TMEM74: variants seen among roughly 807,000 people sequenced by gnomAD.
The protein encoded by TMEM74 is transmembrane protein 74.
In TMEM74, 13 loss-of-function variants were observed where a neutral mutation model predicts 18.1. That is an observed-to-expected ratio of 0.72 (90% CI 0.47 to 1.14). TMEM74 has a LOEUF of 1.14. Ranked by LOEUF, TMEM74 falls within the 50% of genes most tolerant of loss-of-function variation. The pLI, the probability that TMEM74 is intolerant of heterozygous loss-of-function variation, is 0.00. For missense variants in TMEM74, 372 were observed against 375.9 expected (o/e 0.99, Z 0.09); for synonymous variants, 159 against 146.6 (o/e 1.08, Z -0.61).
Position 108,756,628 on chromosome 8 carries a change from AAGGAAGGAAGG to A in TMEM74, n.119+30837_119+30847del, listed in dbSNP as rs1337305537. Among the ~76,000 whole-genome samples the A allele has an allele frequency of 8.5e-3, 819 of 96,416 alleles. 39 individuals are homozygous for A. Among genetic ancestry groups the A allele is most frequent in the African/African-American group, 0.036 (773 of 21,498 alleles). The allele number at this position is 96,416 out of a possible 152,430, so 63.3% of individuals were successfully genotyped here. A position where few individuals can be genotyped will look rare whatever the true frequency, so the allele number is the denominator to read the frequency against. On this transcript the variant is annotated intron_variant and non_coding_transcript_variant, in intron 1 of 3. Coordinates refer to the TMEM74 transcript ENST00000518838. ...GAAGGAAGGAAGGAAGGAAGGAAGG[AAGGAAGGAAGG>A]AAGAAAGAAAGAGAAAGAAAGAAAG...
At chr8:108,631,480 A>T (rs142630656) in intron 2 of TMEM74, among the ~76,000 whole-genome samples, 1 of 152,066 alleles carries the variant, frequency 6.6e-6, no homozygotes, top group Non-Finnish European at 1.5e-5. Flanking sequence ...TCAAAAGCAC[A>T]CTCAAAACAC....
intron 1 of TMEM74, among the ~76,000 whole-genome samples, chr8:108,768,704 G>A (rs891667508): frequency 5.3e-5 from 8 of 152,108 alleles, no homozygotes; most frequent in Non-Finnish European, 1.0e-4. Flanking sequence ...ATGAGGGTCC[G>A]CTTTTCTGCT....
In TMEM74 at chr8:108,784,898, G is replaced by A; in HGVS notation, c.201C>T (p.Pro67=). ...GSKLSSSPAS[P]SSSLQNSTLQ... Reference sequence around the variant, plus strand: ...GAGTACTGTTTTGCAGAGAGGAGGAGGGGGATGCTGGAGAAGAACTAAGTT... The same window carrying A: ...GAGTACTGTTTTGCAGAGAGGAGGAAGGGGATGCTGGAGAAGAACTAAGTT... Residue 67 remains proline, a synonymous_variant, in exon 2 of 2, where the codon CCC becomes CCT. Coordinates refer to ENST00000297459, the MANE Select transcript of TMEM74 (RefSeq NM_153015.3). 1 of 1,614,136 alleles carries A rather than the reference G, an allele frequency of 6.2e-7. No homozygotes were observed. The highest frequency in any genetic ancestry group is 8.5e-7 in the Non-Finnish European group (1 of 1,180,006).
chr8:108,614,873 T>A (rs1812368353), intron 2 of TMEM74, among the ~76,000 whole-genome samples: 1 of 152,106 alleles, frequency 6.6e-6, no homozygotes, highest in Admixed American at 6.5e-5. Context: ...AATACAATAA[T>A]CAAATAGGTG....
In TMEM74 at chr8:108,780,566, A is replaced by T. The variant is rs987472296; in HGVS notation, c.*3615T>A. On this transcript the variant is annotated 3_prime_UTR_variant, in exon 2 of 2. Coordinates refer to ENST00000297459, the MANE Select transcript of TMEM74 (RefSeq NM_153015.3). Reference sequence around the variant, plus strand: ...TTGGCAGCGCAGTCTCTTTTCAGAAATTGTACCTTGAAGGGCATGTGCCAG... The same window carrying T: ...TTGGCAGCGCAGTCTCTTTTCAGAATTTGTACCTTGAAGGGCATGTGCCAG... Among the ~76,000 whole-genome samples the T allele has an allele frequency of 4.6e-5, 7 of 152,218 alleles. No individual in the cohort carries two copies. Among genetic ancestry groups the T allele is most frequent in the African/African-American group, 1.7e-4 (7 of 41,466 alleles).
chr8:108,670,945 A>T (rs1307319422), intron 1 of TMEM74, among the ~76,000 whole-genome samples: 2 of 152,226 alleles, frequency 1.3e-5, no homozygotes, highest in Non-Finnish European at 2.9e-5. Flanking sequence ...ATTAATAATA[A>T]AAAGGCACAC....
At chr8:108,747,187 C>G (rs1325405196) in intron 1 of TMEM74, among the ~76,000 whole-genome samples, 1 of 151,954 alleles carries the variant, frequency 6.6e-6, no homozygotes, top group South Asian at 2.1e-4. Context: ...TAGATAGTGT[C>G]CAAATTGAGT....
chr8:108,658,950 T>A (rs1471432942), intron 1 of TMEM74, among the ~76,000 whole-genome samples: 1 of 152,072 alleles, frequency 6.6e-6, no homozygotes, highest in African/African-American at 2.4e-5. Context: ...AGAAATCCGA[T>A]GATAGCTAGA....
At chr8:108,652,106 A>G (rs972408097) in intron 2 of TMEM74, among the ~76,000 whole-genome samples, 1 of 99,854 alleles carries the variant, frequency 1.0e-5, no homozygotes, top group Admixed American at 1.0e-4. Flanking sequence ...GAAAGAAAAA[A>G]CATTTTTTAC....
At chr8:108,608,257 G>A (rs368691485) in intron 3 of TMEM74, among the ~76,000 whole-genome samples, 31 of 146,870 alleles carry the variant, frequency 2.1e-4, no homozygotes, top group African/African-American at 7.8e-4. Flanking sequence ...AGCCGAGATT[G>A]TGCCATTGCA....
intron 1 of TMEM74, among the ~76,000 whole-genome samples, chr8:108,680,624 C>G (rs1813103461): frequency 6.6e-6 from 1 of 152,182 alleles, no homozygotes; most frequent in Non-Finnish European, 1.5e-5. Context: ...GATGCCCTCT[C>G]TCACCACTCC....
intron 1 of TMEM74, among the ~76,000 whole-genome samples, chr8:108,729,355 T>A (rs1310889365): frequency 6.6e-6 from 1 of 152,178 alleles, no homozygotes; most frequent in Admixed American, 6.5e-5. Flanking sequence ...ATCTCTGACT[T>A]CAGCCAAAGA....
At chr8:108,756,112 T>G (rs537270817) in intron 1 of TMEM74, among the ~76,000 whole-genome samples, 1 of 152,164 alleles carries the variant, frequency 6.6e-6, no homozygotes, top group East Asian at 1.9e-4. Flanking sequence ...TGAACTTTCA[T>G]AGTTATTTAA....
At chr8:108,772,923 T>C (rs552625063) in intron 1 of TMEM74, among the ~76,000 whole-genome samples, 1 of 152,148 alleles carries the variant, frequency 6.6e-6, no homozygotes, top group Non-Finnish European at 1.5e-5. Flanking sequence ...TGAGTAAATA[T>C]GAGAACTGGG....
At chr8:108,730,914 G>A (rs1342836101) in intron 1 of TMEM74, among the ~76,000 whole-genome samples, 1 of 152,122 alleles carries the variant, frequency 6.6e-6, no homozygotes, top group Non-Finnish European at 1.5e-5. Flanking sequence ...ACAGGCGTGA[G>A]CCACCGCGCC....
At chr8:108,634,718 A>T (rs2130556011) in intron 2 of TMEM74, among the ~76,000 whole-genome samples, 2 of 151,986 alleles carry the variant, frequency 1.3e-5, no homozygotes, top group South Asian at 4.2e-4. Context: ...ACATTTAGGC[A>T]TGTGGGGAAA....
intron 1 of TMEM74, among the ~76,000 whole-genome samples, chr8:108,735,621 T>C (rs546693410): frequency 6.6e-6 from 1 of 152,332 alleles, no homozygotes; most frequent in African/African-American, 2.4e-5. Context: ...TCAATGGACA[T>C]TTGGGCTATT....
At chr8:108,711,765 C>T (rs961546689) in intron 1 of TMEM74, among the ~76,000 whole-genome samples, 1 of 152,044 alleles carries the variant, frequency 6.6e-6, no homozygotes, top group African/African-American at 2.4e-5. Flanking sequence ...TAGGGCCATT[C>T]TTGAGGCTGT....
At chr8:108,677,744 C>A (rs1214045683) in intron 1 of TMEM74, among the ~76,000 whole-genome samples, 3 of 152,076 alleles carry the variant, frequency 2.0e-5, no homozygotes, top group Admixed American at 2.0e-4. Context: ...ATCCATCTTT[C>A]TGTACTGATC....
Sources: gnomAD v4.1 joint callset for allele counts (sites outside exome capture counted in the v4.1 genomes callset) on GRCh38, gnomAD v4.1.1 for gene constraint, MANE v1.5 for transcripts, NCBI Gene and HGNC (gene_info 2026-07-23, HGNC 2026-07-21) for gene names.